The following CCDC190 variants were observed in gnomAD, a reference collection of about 807,000 sequenced individuals.
CCDC190 encodes coiled-coil domain containing 190.
Under a neutral mutation model 13.1 loss-of-function variants are expected in CCDC190, and 10 were observed. The ratio of observed to expected loss-of-function variants is 0.77; its 90% CI spans 0.47 to 1.30. The LOEUF (loss-of-function observed/expected upper bound fraction) is 1.30. Ranked by LOEUF, CCDC190 falls within the 50% of genes most tolerant of loss-of-function variation. The pLI, the probability that CCDC190 is intolerant of heterozygous loss-of-function variation, is 0.00. For synonymous variants in CCDC190, 136 were observed against 127.2 expected (o/e 1.07, Z -0.47); for missense variants, 375 against 354.3 (o/e 1.06, Z -0.47).
chr1:162,863,976 G>T (rs1228373524), upstream of CCDC190, among the ~76,000 whole-genome samples: 1 of 146,776 alleles, frequency 6.8e-6, no homozygotes. Flanking sequence ...CTGAGATCAC[G>T]CCATTGCACT....
At position 162,853,582 on chromosome 1, in the gene CCDC190, C is replaced by G. The variant is rs867829281; in HGVS notation, c.*1183G>C. Among the ~76,000 whole-genome samples the G allele has an allele frequency of 2.6e-5, 4 of 151,792 alleles. No individual in the cohort carries two copies. Among genetic ancestry groups the G allele is most frequent in the Middle Eastern group, 3.4e-3 (1 of 294 alleles). On this transcript the variant is annotated 3_prime_UTR_variant, in exon 4 of 4. Coordinates refer to ENST00000367912, the MANE Select transcript of CCDC190 (RefSeq NM_001394065.1). ...ATATGAATTAATCTTCATTTCAGGC[C>G]CTTTGTAATATTAGTAGGTTGGGGT...
At position 162,854,728 on chromosome 1, in the gene CCDC190, A is replaced by G; in HGVS notation, c.*37T>C. On this transcript the variant is annotated 3_prime_UTR_variant, in exon 4 of 4. Transcript: ENST00000367912. ...ATTTGAGGAACACATTTCCTTAGCA[A>G]TAATGGCATATGTTATTGTCAGGCT... 1 of 1,551,392 alleles carries G rather than the reference A, an allele frequency of 6.4e-7. No homozygotes were observed. The highest frequency in any genetic ancestry group is 8.7e-7 in the Non-Finnish European group (1 of 1,148,692).
In CCDC190 at chr1:162,852,190, T is replaced by TCC. The variant is rs1188430676; in HGVS notation, c.*2573_*2574dup. ...GCCCCATGTATTATAGAATTTATGG[T>TCC]CCCTACCTACTAGACTCCAGTGGCA... On this transcript the variant is annotated 3_prime_UTR_variant, in exon 4 of 4. Coordinates refer to ENST00000367912, the MANE Select transcript of CCDC190 (RefSeq NM_001394065.1). 6.6e-6 allele frequency: 1 copy of TCC among 152,204 alleles called. No individual in the cohort carries two copies. The highest frequency in any genetic ancestry group is 2.4e-5 in the African/African-American group (1 of 41,450). The allele number at this position is 152,204 out of a possible 1,614,324, so 9.4% of individuals were successfully genotyped here.
In CCDC190 at chr1:162,852,789, C is replaced by T. The variant is rs1390164043; in HGVS notation, c.*1976G>A. On this transcript the variant is annotated 3_prime_UTR_variant, in exon 4 of 4. Coordinates refer to ENST00000367912, the MANE Select transcript of CCDC190 (RefSeq NM_001394065.1). ...GGCTCCCTCCTGCCTTGTGATGGCC[C>T]CTTCCCGCTGTGAGAGCTAGTACAG... 8.2e-6 allele frequency: 2 copies of T among 243,494 alleles called. No individual in the cohort carries two copies. The highest frequency in any genetic ancestry group is 1.6e-5 in the Non-Finnish European group (2 of 125,330). The allele number at this position is 243,494 out of a possible 1,614,324, so 15.1% of individuals were successfully genotyped here.
upstream of CCDC190, among the ~76,000 whole-genome samples, chr1:162,865,188 G>A (rs1650653909): frequency 6.6e-6 from 1 of 151,984 alleles, no homozygotes. Context: ...TAATAATAAA[G>A]GGATTAATTC....
Position 162,854,611 on chromosome 1 carries a change from ATAT to A in CCDC190, c.*151_*153del. ...TATATTAGCATTGTTCATTCAAGAA[ATAT>A]TATATTCCCGGAAAATAATAGGGAG... is the stretch of plus-strand genomic sequence containing the variant. On this transcript the variant is annotated 3_prime_UTR_variant, in exon 4 of 4. Transcript: ENST00000367912. 7.1e-7 allele frequency: 1 copy of A among 1,400,328 alleles called. No individual in the cohort carries two copies. The highest frequency in any genetic ancestry group is 2.6e-4 in the Middle Eastern group (1 of 3,870). 86.7% of individuals were successfully genotyped at this position (1,400,328 alleles called of 1,614,324 possible).
intron 1 of CCDC190, among the ~76,000 whole-genome samples, chr1:162,868,255 A>G (rs984858867): frequency 6.6e-6 from 1 of 152,218 alleles, no homozygotes; most frequent in Non-Finnish European, 1.5e-5. Flanking sequence ...AGTGGTAAAC[A>G]TGTGGGTACA....
intron 1 of CCDC190, among the ~76,000 whole-genome samples, chr1:162,866,768 G>GAA (rs150179238): frequency 0.79 from 119,509 of 151,576 alleles, 49,967 homozygotes; most frequent in Non-Finnish European, 0.94. Flanking sequence ...CTACCACAGA[G>GAA]GAGACTTTAG....
intron 1 of CCDC190, among the ~76,000 whole-genome samples, chr1:162,867,161 A>G (rs1650736207): frequency 6.6e-6 from 1 of 152,124 alleles, no homozygotes; most frequent in African/African-American, 2.4e-5. Flanking sequence ...AACAAAAGGC[A>G]AGCAAGAACC....
chr1:162,856,616 A>G (rs546890793), intron 2 of CCDC190, among the ~76,000 whole-genome samples: 2 of 152,306 alleles, frequency 1.3e-5, no homozygotes, highest in East Asian at 3.9e-4. Flanking sequence ...AAGACATCTC[A>G]TGAATTGGTC....
Position 162,854,899 on chromosome 1 carries a change from G to T in CCDC190, c.772C>A (p.Leu258Ile). 6.2e-7 allele frequency: 1 copy of T among 1,614,036 alleles called. No individual in the cohort carries two copies. Among genetic ancestry groups the T allele is most frequent in the South Asian group, 1.1e-5 (1 of 91,082 alleles). Residue 258 changes from leucine (L) to isoleucine (I), a missense_variant, in exon 4 of 4, where the codon CTC becomes ATC. Physicochemically the swap from Leu to Ile is conservative, Grantham distance 5. Coordinates refer to ENST00000367912, the MANE Select transcript of CCDC190 (RefSeq NM_001394065.1). ...GACTCAGGGGGGACCCTGTGCCGGA[G>T]ATAATGGGCATTTCTGGCCTTTGAA... The part of the protein sequence containing the change: ...LLSKARNAHY[L>I]RHRVPPESER...
rs1428222968 is a variant in CCDC190 at position 162,859,526 on chromosome 1, A to G, written c.121T>C (p.Tyr41His). The G allele has an allele frequency of 6.8e-6, 11 of 1,613,690 alleles. No homozygotes were observed. The highest frequency in any genetic ancestry group is 9.3e-6 in the Non-Finnish European group (11 of 1,179,828). ...RLQRLKVICLYHVKLLTWEQR... is the reference protein window; with the variant it reads ...RLQRLKVICLHHVKLLTWEQR... ...TCCCAGGTCAGCAATTTCACATGGTAGAGGCAAATAACCTTTAGTCTCTGC... is the reference window on the plus strand; with the variant it reads ...TCCCAGGTCAGCAATTTCACATGGTGGAGGCAAATAACCTTTAGTCTCTGC... The change falls in exon 2 of 4, where the codon TAC becomes CAC. Residue 41 changes from tyrosine (Y) to histidine (H), a missense_variant. Physicochemically the swap from Tyr to His is moderately conservative, Grantham distance 83. Coordinates refer to ENST00000367912, the MANE Select transcript of CCDC190 (RefSeq NM_001394065.1).
At chr1:162,866,802 G>C (rs904628540) in intron 1 of CCDC190, among the ~76,000 whole-genome samples, 3 of 151,880 alleles carry the variant, frequency 2.0e-5, no homozygotes, top group African/African-American at 7.3e-5. Context: ...CATTTAGTCA[G>C]TTTATTTTAG....
Position 162,854,939 on chromosome 1 carries a change from G to A in CCDC190, c.732C>T (p.Thr244=). ...TGGCCTTTGAAAGCAACTCTAAGAA[G>A]GTTGGCTTTGTGAACTCGCCTTCGA... The part of the protein sequence containing the change: ...GSFEGEFTKP[T]FLELLSKARN... Residue 244 remains threonine (T), a synonymous_variant, in exon 4 of 4, where the codon ACC becomes ACT. Transcript: ENST00000367912. 6.2e-7 allele frequency: 1 copy of A among 1,614,002 alleles called. No individual in the cohort carries two copies. Among genetic ancestry groups the A allele is most frequent in the Non-Finnish European group, 8.5e-7 (1 of 1,179,886 alleles).
chr1:162,854,997 AT>A lies in CCDC190; in HGVS notation c.673del (p.Ile225PhefsTer22). On this transcript the variant is annotated frameshift_variant, in exon 4 of 4. Transcript: ENST00000367912. LOFTEE classifies it low-confidence loss of function (END_TRUNC). The part of the protein sequence containing the change: ...LKPDGNTGKQ[I>X]PPKHMECAGS... ...TGCACATTCCATGTGTTTTGGGGGA[AT>A]TTGTTTTCCAGTGTTCCCATCTGGC... is the stretch of plus-strand genomic sequence containing the variant. 1 of 1,613,964 alleles carries A rather than the reference AT, an allele frequency of 6.2e-7. No homozygotes were observed. Among genetic ancestry groups the A allele is most frequent in the African/African-American group, 1.3e-5 (1 of 75,028 alleles).
intron 1 of CCDC190, among the ~76,000 whole-genome samples, chr1:162,866,264 C>A (rs1230892151): frequency 1.3e-5 from 2 of 152,010 alleles, no homozygotes; most frequent in Non-Finnish European, 2.9e-5. Context: ...AGTTCGAGAC[C>A]AGCCTGGCCA....
upstream of CCDC190, among the ~76,000 whole-genome samples, chr1:162,863,184 G>T (rs1650578073): frequency 6.6e-6 from 1 of 152,130 alleles, no homozygotes; most frequent in African/African-American, 2.4e-5. Flanking sequence ...GCACATCCGT[G>T]TAGTTTTCTA....
intron 3 of CCDC190, 42 bp downstream of exon 3, chr1:162,855,590 G>T (rs772131375): frequency 6.2e-7 from 1 of 1,606,234 alleles, no homozygotes; most frequent in Non-Finnish European, 8.5e-7. Flanking sequence ...TGGGAAGAGA[G>T]ACTTAATGTC....
At chr1:162,867,896 G>T (rs1650762430) in intron 1 of CCDC190, among the ~76,000 whole-genome samples, 1 of 152,162 alleles carries the variant, frequency 6.6e-6, no homozygotes, top group Non-Finnish European at 1.5e-5. Flanking sequence ...TGATGACAGA[G>T]ATCAGATCAG....
Sources: allele counts gnomAD v4.1 joint callset (sites outside exome capture counted in the v4.1 genomes callset), GRCh38; gene constraint gnomAD v4.1.1; transcripts MANE v1.5; gene names NCBI Gene and HGNC (gene_info 2026-07-23, HGNC 2026-07-21).